NFASC: variants seen among roughly 807,000 people sequenced by gnomAD.
NFASC encodes the protein neurofascin.
NFASC carries 43 observed loss-of-function variants against 147.5 expected under a neutral mutation model. The ratio of observed to expected loss-of-function variants is 0.29; its 90% CI spans 0.23 to 0.38. The LOEUF (loss-of-function observed/expected upper bound fraction) is 0.38. Ranked by LOEUF, NFASC falls within the 10% of genes least tolerant of loss-of-function variation. The pLI, the probability that NFASC is intolerant of heterozygous loss-of-function variation, is 1.00. For missense variants in NFASC, 1,320 were observed against 1,689.0 expected (o/e 0.78, Z 3.83); for synonymous variants, 622 against 665.5 (o/e 0.93, Z 1.01).
chr1:204,987,648 T>C lies in NFASC; in HGVS notation c.2593+108T>C. On this transcript the variant is annotated intron_variant, in intron 22 of 29. Coordinates refer to ENST00000339876, the MANE Select transcript of NFASC (RefSeq NM_001005388.3). The surrounding 1 kb of genome is among the most constrained non-coding windows in gnomAD (Gnocchi z 4.4). ...AGAAAGCCTGTGGGTGCAGATGGCA[T>C]TGTGGAGGGATGGAGGGGCCAACGA... 4 of 1,331,956 alleles carry C rather than the reference T, an allele frequency of 3.0e-6. No individual in the cohort carries two copies. Among genetic ancestry groups the C allele is most frequent in the Admixed American group, 1.8e-5 (1 of 55,912 alleles). 82.5% of individuals were successfully genotyped at this position (1,331,956 alleles called of 1,614,324 possible).
chr1:204,961,845 T>A, intron 8 of NFASC, among the ~76,000 whole-genome samples: 1 of 152,246 alleles, frequency 6.6e-6, no homozygotes, highest in East Asian at 1.9e-4. Flanking sequence ...CCTAATTTCT[T>A]TAATTTTAAA....
At chr1:204,831,144 C>T (rs561229364) in intron 1 of NFASC, among the ~76,000 whole-genome samples, 3 of 152,256 alleles carry the variant, frequency 2.0e-5, no homozygotes, top group Non-Finnish European at 2.9e-5. Context: ...AAATGCTTGA[C>T]TGGAGCTCAG....
intron 1 of NFASC, among the ~76,000 whole-genome samples, chr1:204,840,620 A>G (rs1675057637): frequency 6.6e-6 from 1 of 152,128 alleles, no homozygotes. Flanking sequence ...TGCCACAACT[A>G]CCACTTGCAC....
chr1:204,836,416 G>A (rs1473126452), intron 1 of NFASC, among the ~76,000 whole-genome samples: 1 of 152,140 alleles, frequency 6.6e-6, no homozygotes, highest in Non-Finnish European at 1.5e-5. Context: ...TAATATTGAG[G>A]TAAAATTTTA....
intron 14 of NFASC, 40 bp downstream of exon 14, chr1:204,974,863 C>T (rs2246661): frequency 0.42 from 674,447 of 1,592,990 alleles, 148,521 homozygotes; most frequent in East Asian, 0.71. Context: ...TGGAGAGGGA[C>T]AAGGAGGCCA....
chr1:204,875,899 T>G (rs1325108385), intron 1 of NFASC, among the ~76,000 whole-genome samples: 1 of 152,104 alleles, frequency 6.6e-6, no homozygotes, highest in Non-Finnish European at 1.5e-5. Flanking sequence ...GATAGGGTCT[T>G]TGTTTGACTG....
chr1:204,965,370 AC>A (rs2094888550), intron 8 of NFASC, among the ~76,000 whole-genome samples: 1 of 152,182 alleles, frequency 6.6e-6, no homozygotes, highest in African/African-American at 2.4e-5. Context: ...TCTCAAAGCC[AC>A]CAGCTCTAGT....
Position 204,986,391 on chromosome 1 carries a change from C to T in NFASC, c.2471-1027C>T, listed in dbSNP as rs540362768. Among the ~76,000 whole-genome samples the T allele has an allele frequency of 1.2e-4, 18 of 152,344 alleles. No homozygotes were observed. In the South Asian group the frequency reaches 2.5e-3, roughly 21 times the overall value. ...TTATGCAGACTGATCCCCGAGGGCA[C>T]GGCGGGCACCTGGGCCACCCCACCA... On this transcript the variant is annotated intron_variant, in intron 21 of 29. Transcript: ENST00000339876. The surrounding 1 kb of genome is among the most constrained non-coding windows in gnomAD (Gnocchi z 4.2).
At chr1:204,992,085 G>A (rs920062861) in intron 24 of NFASC, among the ~76,000 whole-genome samples, 3 of 152,214 alleles carry the variant, frequency 2.0e-5, no homozygotes, top group Admixed American at 1.3e-4. Context: ...TCATGGGTTT[G>A]AGGGTCATCA....
At chr1:204,948,313 T>C (rs948790407) in intron 3 of NFASC, among the ~76,000 whole-genome samples, 1 of 152,240 alleles carries the variant, frequency 6.6e-6, no homozygotes, top group Non-Finnish European at 1.5e-5. Context: ...CAGCTTGTCT[T>C]CTGGGTTGGT....
chr1:204,920,562 A>G, intron 1 of NFASC, 70 bp from the exon 2 acceptor site: 1 of 813,044 alleles, frequency 1.2e-6, no homozygotes, highest in Non-Finnish European at 1.8e-6. Context: ...GCTGCAAACC[A>G]CAAAGGCTTT....
At chr1:204,874,101 AG>A (rs1040826213) in intron 1 of NFASC, among the ~76,000 whole-genome samples, 1 of 152,158 alleles carries the variant, frequency 6.6e-6, no homozygotes, top group Non-Finnish European at 1.5e-5. Flanking sequence ...TTAGCACAGG[AG>A]TAGGAAGGAG....
intron 1 of NFASC, among the ~76,000 whole-genome samples, chr1:204,848,445 C>G (rs974710728): frequency 1.3e-5 from 2 of 152,108 alleles, no homozygotes; most frequent in Middle Eastern, 3.2e-3. Context: ...AGGCTGGTCT[C>G]AAACTCCTGG....
chr1:204,840,842 C>T (rs1675142350), intron 1 of NFASC, among the ~76,000 whole-genome samples: 1 of 152,200 alleles, frequency 6.6e-6, no homozygotes, highest in Non-Finnish European at 1.5e-5. Context: ...AATTAGGGAT[C>T]AGAAGACTGG....
At chr1:204,937,105 C>G (rs1339926868) in intron 2 of NFASC, among the ~76,000 whole-genome samples, 2 of 152,070 alleles carry the variant, frequency 1.3e-5, no homozygotes, top group African/African-American at 4.8e-5. Flanking sequence ...CTTGACCACT[C>G]GCTTCACTTT....
intron 2 of NFASC, among the ~76,000 whole-genome samples, chr1:204,932,390 C>A (rs929355272): frequency 6.6e-5 from 10 of 152,050 alleles, no homozygotes; most frequent in African/African-American, 2.4e-4. Context: ...AAACCTTTAC[C>A]TGGATCTTCC....
chr1:204,892,394 A>G (rs564276267), intron 1 of NFASC, among the ~76,000 whole-genome samples: 431 of 152,372 alleles, frequency 2.8e-3, no homozygotes, highest in Non-Finnish European at 5.0e-3. Flanking sequence ...CAACAAGTTA[A>G]GCTGGGCTCT....
chr1:204,907,526 T>C (rs1299485275), intron 1 of NFASC, among the ~76,000 whole-genome samples: 1 of 152,202 alleles, frequency 6.6e-6, no homozygotes, highest in African/African-American at 2.4e-5. Flanking sequence ...TGTTCGACCC[T>C]GGGTTTCCCA....
intron 1 of NFASC, among the ~76,000 whole-genome samples, chr1:204,883,400 T>G (rs1172181955): frequency 6.6e-6 from 1 of 152,076 alleles, no homozygotes. Context: ...TCTAGCCCCT[T>G]CCCCATCACT....
Sources: gnomAD v4.1 joint callset for allele counts (sites outside exome capture counted in the v4.1 genomes callset) on GRCh38, gnomAD v4.1.1 for gene constraint, Gnocchi (gnomAD v3.1) non-coding constraint, MANE v1.5 for transcripts, NCBI Gene and HGNC (gene_info 2026-07-23, HGNC 2026-07-21) for gene names.